The following CSMD1 variants were observed in gnomAD, a reference collection of about 807,000 sequenced individuals.
The protein encoded by CSMD1 is CUB and sushi domain-containing protein 1.
CSMD1 carries 213 observed loss-of-function variants against 417.5 expected under a neutral mutation model. The ratio of observed to expected loss-of-function variants is 0.51; its 90% CI spans 0.46 to 0.57. CSMD1 has a LOEUF of 0.57. CSMD1 is among the 20% of genes least tolerant of loss of function. The pLI is 0.00. For missense variants in CSMD1, 6,923 were observed against 4,529.7 expected, an observed-to-expected ratio of 1.53 and a Z score of -15.17; for synonymous variants, 2,862 against 1,736.8, an observed-to-expected ratio of 1.65 and a Z score of -16.11.
In CSMD1 at chr8:4,385,505, G is replaced by C. The variant is rs559592458; in HGVS notation, c.415+34448C>G. ...TAGATATTTGGAGCTTAGTACTACC[G>C]TATTAGTAGTCTTAAGAATATTAAT... On this transcript the variant is annotated intron_variant, in intron 3 of 69. Transcript: ENST00000635120. 2.6e-5 allele frequency among the ~76,000 whole-genome samples: 4 copies of C among 152,162 alleles called. No homozygotes were observed. The East Asian group carries it at 7.7e-4, about 29-fold the overall frequency.
At chr8:4,141,849 G>C (rs894777553) in intron 3 of CSMD1, among the ~76,000 whole-genome samples, 1 of 150,934 alleles carries the variant, frequency 6.6e-6, no homozygotes, top group East Asian at 1.9e-4. Flanking sequence ...GTGACTAACA[G>C]TACCATTTAG....
chr8:4,797,989 T>G (rs1397150113), intron 1 of CSMD1, among the ~76,000 whole-genome samples: 1 of 152,210 alleles, frequency 6.6e-6, no homozygotes. Flanking sequence ...TATGCAAAAT[T>G]ATTCCAGCCA....
chr8:3,524,032 CAT>C (rs542070720), intron 10 of CSMD1, among the ~76,000 whole-genome samples: 2,067 of 113,330 alleles, frequency 0.018, 53 homozygotes, highest in African/African-American at 0.063. Flanking sequence ...CACACACACA[CAT>C]GCACACCCAG....
intron 2 of CSMD1, among the ~76,000 whole-genome samples, chr8:4,503,721 A>T (rs947061885): frequency 6.6e-6 from 1 of 152,134 alleles, no homozygotes; most frequent in East Asian, 1.9e-4. Flanking sequence ...GCTGGAAATT[A>T]GGGGACAGAA....
At chr8:3,544,108 T>G (rs1194137433) in intron 10 of CSMD1, among the ~76,000 whole-genome samples, 1 of 152,034 alleles carries the variant, frequency 6.6e-6, no homozygotes, top group African/African-American at 2.4e-5. Context: ...CCATCTTGAG[T>G]GAGGGCTTGG....
intron 3 of CSMD1, among the ~76,000 whole-genome samples, chr8:4,338,614 C>G (rs899342637): frequency 6.6e-6 from 1 of 152,072 alleles, no homozygotes; most frequent in Non-Finnish European, 1.5e-5. Flanking sequence ...GCAATTAAAT[C>G]TTTAAATTAG....
intron 3 of CSMD1, among the ~76,000 whole-genome samples, chr8:4,361,833 T>A (rs1801784707): frequency 6.6e-6 from 1 of 152,020 alleles, no homozygotes; most frequent in Admixed American, 6.6e-5. Context: ...GGGGCGCCTG[T>A]ACTCCCAGCT....
chr8:3,461,620 G>C (rs1289853803), intron 12 of CSMD1, among the ~76,000 whole-genome samples: 2 of 152,202 alleles, frequency 1.3e-5, no homozygotes, highest in Admixed American at 6.5e-5. Context: ...GAAACTGTAA[G>C]CTATCCCTGT....
chr8:4,411,989 G>GGT (rs60793651), intron 3 of CSMD1, among the ~76,000 whole-genome samples: 44,440 of 148,806 alleles, frequency 0.3, 6,544 homozygotes, highest in Admixed American at 0.34. Context: ...CATAGCTAAG[G>GGT]GTGTGTGTGT....
intron 1 of CSMD1, among the ~76,000 whole-genome samples, chr8:4,957,900 G>C (rs1394249474): frequency 1.3e-5 from 2 of 152,090 alleles, no homozygotes; most frequent in African/African-American, 4.8e-5. Context: ...TGATAAAGCT[G>C]GTGTCTGTAA....
intron 7 of CSMD1, among the ~76,000 whole-genome samples, chr8:3,687,589 T>G (rs186505836): frequency 6.6e-6 from 1 of 152,214 alleles, no homozygotes; most frequent in South Asian, 2.1e-4. Context: ...GAACTGCTCT[T>G]GTAGGGATCT....
chr8:3,620,433 GTATT>G (rs1177251728), intron 7 of CSMD1, among the ~76,000 whole-genome samples: 1 of 152,046 alleles, frequency 6.6e-6, no homozygotes, highest in Non-Finnish European at 1.5e-5. Context: ...ATTTCCTACA[GTATT>G]TAAAGATAAA....
At chr8:4,558,773 C>T (rs915870127) in intron 2 of CSMD1, among the ~76,000 whole-genome samples, 1 of 152,164 alleles carries the variant, frequency 6.6e-6, no homozygotes, top group Non-Finnish European at 1.5e-5. Flanking sequence ...GAGGCTGAGG[C>T]AGGAGAATTG....
intron 1 of CSMD1, among the ~76,000 whole-genome samples, chr8:4,811,739 T>C (rs1395047408): frequency 6.6e-6 from 1 of 152,202 alleles, no homozygotes; most frequent in East Asian, 1.9e-4. Context: ...TTGCTTCGTT[T>C]AAATCTTTTA....
intron 49 of CSMD1, among the ~76,000 whole-genome samples, chr8:3,082,228 T>C (rs1457451915): frequency 6.6e-6 from 1 of 152,200 alleles, no homozygotes; most frequent in African/African-American, 2.4e-5. Flanking sequence ...GTGCCAATCA[T>C]TCATTATGCC....
chr8:4,865,389 G>T (rs1348508373), intron 1 of CSMD1, among the ~76,000 whole-genome samples: 1 of 151,708 alleles, frequency 6.6e-6, no homozygotes, highest in African/African-American at 2.4e-5. Flanking sequence ...GCCTATAACT[G>T]ATGACTTTGA....
chr8:3,432,726 G>C (rs9314489), intron 12 of CSMD1, among the ~76,000 whole-genome samples: 34,187 of 151,910 alleles, frequency 0.23, 3,929 homozygotes, highest in East Asian at 0.31. Flanking sequence ...ATGTTGGCCA[G>C]GATGGTCTTG....
At chr8:3,012,235 A>G (rs997043261) in intron 52 of CSMD1, among the ~76,000 whole-genome samples, 14 of 152,230 alleles carry the variant, frequency 9.2e-5, no homozygotes, top group African/African-American at 3.1e-4. Context: ...TTCTTCTTAG[A>G]ATCCAGACCA....
chr8:4,941,653 C>T (rs1808010649), intron 1 of CSMD1, among the ~76,000 whole-genome samples: 1 of 151,300 alleles, frequency 6.6e-6, no homozygotes, highest in Admixed American at 6.6e-5. Flanking sequence ...GGCTGGGGTA[C>T]AGTACCACAA....
Sources: allele counts gnomAD v4.1 joint callset (sites outside exome capture counted in the v4.1 genomes callset), GRCh38; gene constraint gnomAD v4.1.1; transcripts MANE v1.5; gene names NCBI Gene and HGNC (gene_info 2026-07-23, HGNC 2026-07-21).